TMEM181: variants seen among roughly 807,000 people sequenced by gnomAD.
TMEM181 encodes the protein G protein-coupled receptor 178.
A neutral mutation model predicts 71.9 loss-of-function variants in TMEM181; 39 were observed. The observed-to-expected ratio is 0.54, with a 90% CI of 0.42 to 0.71. TMEM181 has a LOEUF of 0.71. TMEM181 is among the 30% of genes least tolerant of loss of function. TMEM181 has a pLI of 0.00. For synonymous variants in TMEM181, 245 were observed against 228.8 expected, an observed-to-expected ratio of 1.07 and a Z score of -0.64; for missense variants, 595 against 583.0, an observed-to-expected ratio of 1.02 and a Z score of -0.21.
chr6:158,610,837 TACTC>T (rs1322175892), intron 10 of TMEM181: 4 of 330,848 alleles, frequency 1.2e-5, no homozygotes, highest in African/African-American at 4.3e-5. Context: ...CTAGCTGACA[TACTC>T]ACACCAAGGA....
In TMEM181 at chr6:158,629,810, G is replaced by A; in HGVS notation, c.1273G>A (p.Ala425Thr). 1 of 1,613,692 alleles carries A rather than the reference G, an allele frequency of 6.2e-7. No homozygotes were observed. Among genetic ancestry groups the A allele is most frequent in the Non-Finnish European group, 8.5e-7 (1 of 1,179,632 alleles). ...LAFVYSPSKNALYESQLKDNP... is the reference protein window; with the variant it reads ...LAFVYSPSKNTLYESQLKDNP... ...CTTTGTATATTCTCCATCGAAGAAT[G>A]CCCTCTATGGTAAGCCACCCTGGGG... The change falls in exon 15 of 17, where the codon GCC (alanine) becomes ACC (threonine). Residue 425 changes from alanine to threonine, a missense_variant. Ala to Thr is a moderately conservative substitution (Grantham distance 58, BLOSUM62 0). Coordinates refer to ENST00000684151, the MANE Select transcript of TMEM181 (RefSeq NM_001376852.1).
intron 1 of TMEM181, among the ~76,000 whole-genome samples, chr6:158,554,827 A>G (rs1267590059): frequency 2.6e-5 from 4 of 152,242 alleles, no homozygotes; most frequent in African/African-American, 9.6e-5. Flanking sequence ...AGATAATAAA[A>G]CACAGCTGGA....
At chr6:158,576,813 A>G (rs938988978) in intron 2 of TMEM181, among the ~76,000 whole-genome samples, 5 of 152,162 alleles carry the variant, frequency 3.3e-5, no homozygotes, top group African/African-American at 7.2e-5. Flanking sequence ...CTGTAATCCC[A>G]GCACTTTGGG....
chr6:158,602,699 C>A (rs1333653884), intron 6 of TMEM181, among the ~76,000 whole-genome samples: 2 of 151,858 alleles, frequency 1.3e-5, no homozygotes, highest in African/African-American at 4.8e-5. Flanking sequence ...ACCCTGGCCT[C>A]CTGAGTAGCT....
At position 158,605,276 on chromosome 6, in the gene TMEM181, T is replaced by C. The variant is rs1165305722; in HGVS notation, c.502T>C (p.Tyr168His). 3.1e-6 allele frequency: 5 copies of C among 1,613,894 alleles called. No homozygotes were observed. The African/African-American group carries it at 6.7e-5, about 22-fold the overall frequency. Reference protein sequence around the residue: ...IKGMNFTWKTYNPAFSRLEIW... With the variant: ...IKGMNFTWKTHNPAFSRLEIW... ...CCACTTTCTATTTTAGTGGAAGACT[T>C]ATAACCCTGCCTTCTCCCGGTTGGA... Residue 168 changes from tyrosine (Y) to histidine (H), a missense_variant, in exon 7 of 17, where the codon TAT becomes CAT. Transcript: ENST00000684151.
intron 10 of TMEM181, among the ~76,000 whole-genome samples, chr6:158,618,239 T>C (rs191896072): frequency 3.4e-3 from 519 of 152,348 alleles, no homozygotes; most frequent in African/African-American, 0.012. Flanking sequence ...GTAATGGCCT[T>C]CTTTGTCTCT....
At chr6:158,606,019 T>C (rs568148005) in intron 7 of TMEM181, among the ~76,000 whole-genome samples, 1 of 152,244 alleles carries the variant, frequency 6.6e-6, no homozygotes, top group East Asian at 1.9e-4. Flanking sequence ...GGAGGTGACA[T>C]TTAGGAAATG....
At chr6:158,592,986 A>G (rs1163911560) in intron 6 of TMEM181, among the ~76,000 whole-genome samples, 1 of 152,210 alleles carries the variant, frequency 6.6e-6, no homozygotes, top group African/African-American at 2.4e-5. Context: ...GCAAGGACAC[A>G]AGTTTTCTCA....
intron 5 of TMEM181, among the ~76,000 whole-genome samples, chr6:158,586,961 G>A (rs1319510213): frequency 6.6e-6 from 1 of 152,132 alleles, no homozygotes; most frequent in East Asian, 1.9e-4. Flanking sequence ...GGGATAACAG[G>A]TGTGAGTGTC....
At position 158,620,474 on chromosome 6, in the gene TMEM181, G is replaced by A. The variant is rs1341978087; in HGVS notation, c.897-3076G>A. ...AGTTGGAATCACCAAAGGGCTTCCC[G>A]AACCGGCATGCGTGAGGAAGAGAGA... is the stretch of plus-strand genomic sequence containing the variant. On this transcript the variant is annotated intron_variant, in intron 10 of 16. Transcript: ENST00000684151. The surrounding 1 kb of genome is among the most constrained non-coding windows in gnomAD (Gnocchi z 4.5). 6.6e-6 allele frequency among the ~76,000 whole-genome samples: 1 copy of A among 152,156 alleles called. No homozygotes were observed. Among genetic ancestry groups the A allele is most frequent in the African/African-American group, 2.4e-5 (1 of 41,418 alleles).
chr6:158,624,149 G>A (rs932795710), intron 11 of TMEM181, among the ~76,000 whole-genome samples: 26 of 152,296 alleles, frequency 1.7e-4, no homozygotes, highest in African/African-American at 6.0e-4. Context: ...GTTCTGGTCG[G>A]CTGCTCTTCC....
chr6:158,577,233 A>G (rs905281800), intron 2 of TMEM181, among the ~76,000 whole-genome samples: 3 of 152,188 alleles, frequency 2.0e-5, no homozygotes, highest in Non-Finnish European at 2.9e-5. Flanking sequence ...AGGAAGAGAC[A>G]TGGAGACAGT....
rs561395499 is a variant in TMEM181, at chr6:158,563,463, AG to A, written c.8+3233del. On this transcript the variant is annotated intron_variant, in intron 1 of 16. Coordinates refer to ENST00000684151, the MANE Select transcript of TMEM181 (RefSeq NM_001376852.1). ...TTGGCCAGGAACTGGGGTTCTTGAG[AG>A]GTAGAGTAACTGCCCCAGGTTACCC... 1.6e-3 allele frequency among the ~76,000 whole-genome samples: 240 copies of A among 152,150 alleles called. 1 individual carries two copies. Among genetic ancestry groups the A allele is most frequent in the African/African-American group, 5.4e-3 (226 of 41,542 alleles).
chr6:158,630,815 T>C (rs982895945), intron 15 of TMEM181, among the ~76,000 whole-genome samples: 5 of 151,624 alleles, frequency 3.3e-5, no homozygotes, highest in South Asian at 2.1e-4. Context: ...CTCTAGAACA[T>C]AGGCAGCCCC....
At chr6:158,625,952 C>T (rs114972830) in intron 13 of TMEM181, among the ~76,000 whole-genome samples, 198 bp downstream of exon 13, 225 of 152,296 alleles carry the variant, frequency 1.5e-3, no homozygotes, top group African/African-American at 5.0e-3. Context: ...TTGTAAGCGG[C>T]CGAGGACTGG....
intron 1 of TMEM181, among the ~76,000 whole-genome samples, chr6:158,570,699 C>T (rs1449167498): frequency 1.3e-5 from 2 of 151,282 alleles, no homozygotes; most frequent in Admixed American, 6.6e-5. Flanking sequence ...TGGGCAAGCC[C>T]TGTGGCTTCC....
chr6:158,628,589 C>A lies in TMEM181; in HGVS notation c.1192+99C>A. 4 of 1,023,382 alleles carry A rather than the reference C, an allele frequency of 3.9e-6. No individual in the cohort carries two copies. In the South Asian group the frequency reaches 5.7e-5, roughly 15 times the overall value. The allele number at this position is 1,023,382 out of a possible 1,614,324, so 63.4% of individuals were successfully genotyped here. A position where few individuals can be genotyped will look rare whatever the true frequency, so the allele number is the denominator to read the frequency against. Reference sequence around the variant, plus strand: ...CCCCTCTCAAGAGGAGACAGGTCAGCTCCTCGCGCCCTGTTCTCCGGAGGC... The same window carrying A: ...CCCCTCTCAAGAGGAGACAGGTCAGATCCTCGCGCCCTGTTCTCCGGAGGC... On this transcript the variant is annotated intron_variant, in intron 14 of 16. Coordinates refer to ENST00000684151, the MANE Select transcript of TMEM181 (RefSeq NM_001376852.1).
chr6:158,608,578 A>C, intron 9 of TMEM181, 81 bp from the exon 10 acceptor site: 1 of 1,597,298 alleles, frequency 6.3e-7, no homozygotes, highest in South Asian at 1.1e-5. Context: ...CTGCAGGCCC[A>C]TACTCAATGG....
intron 6 of TMEM181, 100 bp from the exon 7 acceptor site, chr6:158,605,167 T>A: frequency 1.2e-6 from 1 of 848,626 alleles, no homozygotes; most frequent in Non-Finnish European, 1.9e-6. Context: ...TGTATGTGTA[T>A]ATATTGTCTC....
Sources: allele counts gnomAD v4.1 joint callset (sites outside exome capture counted in the v4.1 genomes callset), GRCh38; gene constraint gnomAD v4.1.1; non-coding constraint Gnocchi (gnomAD v3.1); transcripts MANE v1.5; gene names NCBI Gene and HGNC (gene_info 2026-07-23, HGNC 2026-07-21).